The following PCDHA9 variants were observed in gnomAD, a reference collection of about 807,000 sequenced individuals.
The protein encoded by PCDHA9 is protocadherin alpha-9.
In PCDHA9, 62 loss-of-function variants were observed where a neutral mutation model predicts 62.0. The observed-to-expected ratio is 1.00, with a 90% CI of 0.81 to 1.23. PCDHA9 has a LOEUF of 1.23. PCDHA9 is among the 50% of genes most tolerant of loss of function. The pLI, the probability that PCDHA9 is intolerant of heterozygous loss-of-function variation, is 0.00. For missense variants in PCDHA9, 1,205 were observed against 1,249.8 expected (o/e 0.96, Z 0.54); for synonymous variants, 557 against 567.6 (o/e 0.98, Z 0.27).
chr5:140,882,174 CG>C, intron 1 of PCDHA9: 1 of 1,514,752 alleles, frequency 6.6e-7, no homozygotes, highest in South Asian at 1.4e-5. Flanking sequence ...CGAATCCTTC[CG>C]CACTAGGAAG....
At chr5:140,979,104 A>G (rs1563470833) in intron 2 of PCDHA9, 97 bp downstream of exon 2, 3 of 1,539,000 alleles carry the variant, frequency 1.9e-6, no homozygotes, top group Admixed American at 2.2e-5. Context: ...TGTCAAAACT[A>G]AAAAGCTTTA....
intron 3 of PCDHA9, among the ~76,000 whole-genome samples, chr5:140,990,425 T>G (rs1268987059): frequency 6.6e-6 from 1 of 152,214 alleles, no homozygotes; most frequent in Non-Finnish European, 1.5e-5. Context: ...CAACCAGCAT[T>G]GACCCAATCT....
intron 1 of PCDHA9, among the ~76,000 whole-genome samples, chr5:140,898,250 A>T (rs2066615127): frequency 6.6e-6 from 1 of 152,210 alleles, no homozygotes; most frequent in South Asian, 2.1e-4. Flanking sequence ...TGTTTTAGAC[A>T]TGAAGTCCTT....
chr5:140,869,484 C>G (rs782167038), intron 1 of PCDHA9: 2 of 1,613,948 alleles, frequency 1.2e-6, no homozygotes, highest in Non-Finnish European at 1.7e-6. Context: ...AGGACATTAA[C>G]GACAACCCGC....
chr5:141,001,489 T>C (rs2098020927), intron 3 of PCDHA9, among the ~76,000 whole-genome samples: 3 of 152,236 alleles, frequency 2.0e-5, no homozygotes. Context: ...GTGCTGGAAA[T>C]GCTAGCCCAG....
At chr5:140,967,390 G>A (rs2096135950) in intron 1 of PCDHA9, 2 of 1,609,752 alleles carry the variant, frequency 1.2e-6, no homozygotes, top group African/African-American at 1.3e-5. Context: ...AAGTGCTTGA[G>A]CTGGTGCTGC....
At chr5:140,852,575 C>CT (rs1395261617) in intron 1 of PCDHA9, 11 of 798,920 alleles carry the variant, frequency 1.4e-5, no homozygotes, top group Non-Finnish European at 1.7e-5. Context: ...TGTGCCAAGG[C>CT]TTTTTTATTT....
chr5:140,983,768 T>G (rs1236827804), intron 3 of PCDHA9, among the ~76,000 whole-genome samples: 2 of 152,196 alleles, frequency 1.3e-5, no homozygotes, highest in African/African-American at 4.8e-5. Context: ...CAAATACATA[T>G]CTACATACAT....
chr5:140,854,084 C>G (rs2150307258), intron 1 of PCDHA9: 2 of 266,726 alleles, frequency 7.5e-6, no homozygotes, highest in East Asian at 3.6e-4. Context: ...ATCGCTTGAG[C>G]CTGGGACATT....
intron 1 of PCDHA9, among the ~76,000 whole-genome samples, chr5:140,918,244 T>A (rs1554198493): frequency 6.6e-6 from 1 of 152,236 alleles, no homozygotes; most frequent in Non-Finnish European, 1.5e-5. Context: ...TGATTTTGTA[T>A]GCTGAAACTT....
intron 1 of PCDHA9, chr5:140,862,120 A>G (rs898970647): frequency 2.5e-5 from 4 of 161,592 alleles, no homozygotes; most frequent in African/African-American, 7.2e-5. Flanking sequence ...GGATAAATAA[A>G]TGTAAAGATA....
chr5:140,869,428 A>T, intron 1 of PCDHA9: 1 of 1,614,214 alleles, frequency 6.2e-7, no homozygotes, highest in Non-Finnish European at 8.5e-7. Context: ...CCTGGAGGTG[A>T]TCGTGGACAG....
rs782513302 is a variant in PCDHA9 at position 140,857,057 on chromosome 5, GTGGAACTAC to G, written c.2394+6173_2394+6181del. The stretch of plus-strand genomic sequence containing the variant: ...TATGGTTGGTCACTGCACGGTCCTA[GTGGAACTAC>G]TGGATGAAAATGATAATTCACCTGA... On this transcript the variant is annotated intron_variant, in intron 1 of 3. Coordinates refer to ENST00000532602, the MANE Select transcript of PCDHA9 (RefSeq NM_031857.2). 670 of 1,596,188 alleles carry G rather than the reference GTGGAACTAC, an allele frequency of 4.2e-4. 48 individuals are homozygous for G. The highest frequency in any genetic ancestry group is 2.0e-3 in the Middle Eastern group (12 of 5,996).
intron 1 of PCDHA9, among the ~76,000 whole-genome samples, chr5:140,965,867 C>T (rs1267904737): frequency 1.3e-5 from 2 of 152,164 alleles, no homozygotes; most frequent in Non-Finnish European, 2.9e-5. Context: ...AAAATAAGGG[C>T]CACTTGGCCG....
intron 1 of PCDHA9, chr5:140,857,065 A>G (rs782608134): frequency 6.3e-7 from 1 of 1,594,864 alleles, no homozygotes; most frequent in Non-Finnish European, 8.6e-7. Flanking sequence ...TAGTGGAACT[A>G]CTGGATGAAA....
chr5:140,853,011 T>C, intron 1 of PCDHA9: 1 of 283,070 alleles, frequency 3.5e-6, no homozygotes, highest in African/African-American at 2.3e-5. Context: ...CCCGAGTAGC[T>C]GGGACTACAG....
intron 1 of PCDHA9, among the ~76,000 whole-genome samples, chr5:140,938,157 G>C (rs532966795): frequency 6.6e-6 from 1 of 152,022 alleles, no homozygotes; most frequent in African/African-American, 2.4e-5. Context: ...CATTGCCCAG[G>C]CTAGTCTGGA....
At chr5:140,968,612 C>A (rs782101758) in intron 1 of PCDHA9, 2 of 1,614,204 alleles carry the variant, frequency 1.2e-6, no homozygotes, top group East Asian at 2.2e-5. Flanking sequence ...AGACTCTGGG[C>A]AAAATGCTTG....
At chr5:140,880,084 T>TAGTA (rs2058231039) in intron 1 of PCDHA9, among the ~76,000 whole-genome samples, 1 of 152,208 alleles carries the variant, frequency 6.6e-6, no homozygotes. Context: ...CAACCTATTA[T>TAGTA]AGTAGGCTTA....
Sources: allele counts gnomAD v4.1 joint callset (sites outside exome capture counted in the v4.1 genomes callset), GRCh38; gene constraint gnomAD v4.1.1; transcripts MANE v1.5; gene names NCBI Gene and HGNC (gene_info 2026-07-23, HGNC 2026-07-21).